The following PEX5L variants were observed in gnomAD, a reference collection of about 807,000 sequenced individuals.
The protein encoded by PEX5L is peroxisomal biogenesis factor 5 like, also known as PEX5-related protein.
PEX5L carries 30 observed loss-of-function variants against 84.0 expected under a neutral mutation model. That is an observed-to-expected ratio of 0.36 (90% CI 0.27 to 0.48). PEX5L has a LOEUF of 0.48. PEX5L is among the 20% of genes least tolerant of loss of function. The pLI, the probability that PEX5L is intolerant of heterozygous loss-of-function variation, is 0.99. For missense variants in PEX5L, 533 were observed against 754.6 expected, an observed-to-expected ratio of 0.71 and a Z score of 3.44; for synonymous variants, 270 against 283.1, an observed-to-expected ratio of 0.95 and a Z score of 0.46.
rs551226074 is a variant in PEX5L, at chr3:179,851,560, G to T, written c.822+7502C>A. 7.9e-5 allele frequency among the ~76,000 whole-genome samples: 12 copies of T among 152,260 alleles called. No homozygotes were observed. In the South Asian group the frequency reaches 2.1e-3, roughly 26 times the overall value. On this transcript the variant is annotated intron_variant, in intron 8 of 14. Coordinates refer to ENST00000467460, the MANE Select transcript of PEX5L (RefSeq NM_016559.3). Reference sequence around the variant, plus strand: ...CTAGTTAGCAGTAAACTTTTTCACTGCCCATGTTCTTATAACAGTAATTAC... The same window carrying T: ...CTAGTTAGCAGTAAACTTTTTCACTTCCCATGTTCTTATAACAGTAATTAC...
At chr3:179,951,428 G>A (rs1578870608) in intron 2 of PEX5L, among the ~76,000 whole-genome samples, 1 of 151,882 alleles carries the variant, frequency 6.6e-6, no homozygotes, top group Non-Finnish European at 1.5e-5. Flanking sequence ...TGAAGTATAA[G>A]CAAATGGTCT....
At chr3:179,847,968 T>C (rs1577555116) in intron 8 of PEX5L, among the ~76,000 whole-genome samples, 2 of 140,460 alleles carry the variant, frequency 1.4e-5, no homozygotes, top group Admixed American at 7.5e-5. Flanking sequence ...AACGTTTGGG[T>C]ATTTTTTTTT....
intron 7 of PEX5L, among the ~76,000 whole-genome samples, chr3:179,862,789 A>G (rs935633069): frequency 6.6e-6 from 1 of 152,216 alleles, no homozygotes; most frequent in African/African-American, 2.4e-5. Context: ...GATCCAGCCC[A>G]ATTCTTATCA....
chr3:179,976,040 G>C (rs75913796), intron 1 of PEX5L, among the ~76,000 whole-genome samples: 4,371 of 152,252 alleles, frequency 0.029, 218 homozygotes, highest in African/African-American at 0.1. Flanking sequence ...GAAATTGCAG[G>C]AGTGGATAAG....
chr3:179,896,810 T>C (rs1759474207), intron 3 of PEX5L, among the ~76,000 whole-genome samples: 1 of 152,114 alleles, frequency 6.6e-6, no homozygotes, highest in Admixed American at 6.6e-5. Context: ...ACTTAAAATT[T>C]TGGACATGGG....
chr3:179,978,637 T>C (rs1186138152), intron 1 of PEX5L, among the ~76,000 whole-genome samples: 2 of 152,216 alleles, frequency 1.3e-5, no homozygotes, highest in Non-Finnish European at 2.9e-5. Context: ...TAATTTACTT[T>C]TAAAAACTCA....
At chr3:179,879,122 T>C (rs1753365026) in intron 5 of PEX5L, among the ~76,000 whole-genome samples, 1 of 152,184 alleles carries the variant, frequency 6.6e-6, no homozygotes, top group African/African-American at 2.4e-5. Context: ...TCCCCACACA[T>C]ATACATACAC....
chr3:179,942,157 T>C (rs1776313389), intron 2 of PEX5L, among the ~76,000 whole-genome samples: 1 of 152,192 alleles, frequency 6.6e-6, no homozygotes, highest in Non-Finnish European at 1.5e-5. Flanking sequence ...CTGTATGTAC[T>C]TCTAGTCTAT....
intron 8 of PEX5L, among the ~76,000 whole-genome samples, chr3:179,823,800 A>G (rs1190974130): frequency 6.6e-6 from 1 of 152,180 alleles, no homozygotes; most frequent in Admixed American, 6.5e-5. Context: ...TTGTAAAGTG[A>G]GAAGATTGGG....
chr3:179,908,724 T>A (rs1213496902), intron 2 of PEX5L, among the ~76,000 whole-genome samples: 1 of 151,822 alleles, frequency 6.6e-6, no homozygotes. Context: ...TGGTGTTTGG[T>A]TTTTTGTCCT....
intron 10 of PEX5L, among the ~76,000 whole-genome samples, chr3:179,813,478 T>G (rs985331731): frequency 6.6e-6 from 1 of 152,168 alleles, no homozygotes; most frequent in Non-Finnish European, 1.5e-5. Flanking sequence ...TAATTTCCTC[T>G]TCTACAACGA....
At chr3:179,848,118 AAAC>A (rs1283186059) in intron 8 of PEX5L, among the ~76,000 whole-genome samples, 4 of 152,330 alleles carry the variant, frequency 2.6e-5, no homozygotes, top group African/African-American at 7.2e-5. Context: ...CCTTTTCAAT[AAAC>A]AACGAGTAAC....
intron 2 of PEX5L, among the ~76,000 whole-genome samples, chr3:179,914,940 G>A (rs1200855662): frequency 2.6e-5 from 4 of 151,452 alleles, no homozygotes; most frequent in Non-Finnish European, 5.9e-5. Context: ...AGGAAAGAAA[G>A]AAGATTGGCT....
At chr3:179,865,736 T>C (rs1747892960) in intron 7 of PEX5L, among the ~76,000 whole-genome samples, 1 of 152,124 alleles carries the variant, frequency 6.6e-6, no homozygotes, top group Non-Finnish European at 1.5e-5. Context: ...CTTGTTAAAA[T>C]GCAGATTGCT....
At chr3:179,843,647 C>A (rs1393649910) in intron 8 of PEX5L, among the ~76,000 whole-genome samples, 1 of 152,118 alleles carries the variant, frequency 6.6e-6, no homozygotes, top group Non-Finnish European at 1.5e-5. Flanking sequence ...AATAATTATT[C>A]AATCTCACCA....
intron 8 of PEX5L, among the ~76,000 whole-genome samples, chr3:179,840,183 G>GTTTTTTTTTT (rs71182521): frequency 2.5e-5 from 2 of 78,718 alleles, no homozygotes; most frequent in African/African-American, 1.0e-4. Flanking sequence ...GTGTGTGTGT[G>GTTTTTTTTTT]TTTTTTTTTT....
At chr3:180,009,566 T>A (rs998697995) in intron 1 of PEX5L, among the ~76,000 whole-genome samples, 5 of 150,070 alleles carry the variant, frequency 3.3e-5, no homozygotes, top group African/African-American at 9.9e-5. Context: ...TGAAAAAATT[T>A]TTTTCTTTTC....
At chr3:179,810,632 C>T (rs1323780758) in intron 11 of PEX5L, among the ~76,000 whole-genome samples, 1 of 152,112 alleles carries the variant, frequency 6.6e-6, no homozygotes, top group Non-Finnish European at 1.5e-5. Context: ...ATGATGAGGT[C>T]TCTGGATAAG....
intron 14 of PEX5L, among the ~76,000 whole-genome samples, 197 bp from the exon 15 acceptor site, chr3:179,802,229 G>A (rs1719139811): frequency 6.6e-6 from 1 of 151,996 alleles, no homozygotes; most frequent in South Asian, 2.1e-4. Context: ...AATACAGTGA[G>A]GTCAGAAAGA....
Sources: allele counts gnomAD v4.1 joint callset (sites outside exome capture counted in the v4.1 genomes callset), GRCh38; gene constraint gnomAD v4.1.1; transcripts MANE v1.5; gene names NCBI Gene and HGNC (gene_info 2026-07-23, HGNC 2026-07-21).